TENT2: variants seen among roughly 807,000 people sequenced by gnomAD.
The protein encoded by TENT2 is poly(A) RNA polymerase GLD2.
Under a neutral mutation model 72.2 loss-of-function variants are expected in TENT2, and 44 were observed. The observed-to-expected ratio is 0.61, with a 90% CI of 0.48 to 0.78. The LOEUF (loss-of-function observed/expected upper bound fraction) is 0.78. TENT2 is among the 30% of genes least tolerant of loss of function. The pLI is 0.00. For missense variants in TENT2, 541 were observed against 569.6 expected, an observed-to-expected ratio of 0.95 and a Z score of 0.51; for synonymous variants, 212 against 192.5, an observed-to-expected ratio of 1.10 and a Z score of -0.84.
intron 8 of TENT2, 34 bp downstream of exon 8, chr5:79,645,226 C>T: frequency 2.6e-6 from 4 of 1,522,234 alleles, no homozygotes; most frequent in South Asian, 2.4e-5. Flanking sequence ...TTTTTAGTTC[C>T]TTTAGATCAT....
intron 1 of TENT2, among the ~76,000 whole-genome samples, chr5:79,615,700 T>G (rs1203024377): frequency 7.1e-6 from 1 of 141,388 alleles, no homozygotes; most frequent in Non-Finnish European, 1.5e-5. Context: ...TCCAAGATTT[T>G]TCTTTTTTCT....
intron 12 of TENT2, among the ~76,000 whole-genome samples, chr5:79,674,520 A>G (rs563397096): frequency 7.9e-5 from 12 of 152,346 alleles, no homozygotes; most frequent in Non-Finnish European, 1.6e-4. Flanking sequence ...TATAAAAGGT[A>G]TTTGAGTTAC....
At chr5:79,681,209 G>T (rs1369435870) in intron 13 of TENT2, among the ~76,000 whole-genome samples, 2 of 132,456 alleles carry the variant, frequency 1.5e-5, no homozygotes, top group East Asian at 4.3e-4. Context: ...CGCCAGGCTG[G>T]AGTGCAGTGG....
chr5:79,617,738 A>G (rs1761453499), intron 1 of TENT2: 1 of 152,226 alleles, frequency 6.6e-6, no homozygotes, highest in Admixed American at 6.5e-5. Flanking sequence ...GTATAGAATT[A>G]CAGCCTGAGA....
intron 4 of TENT2, among the ~76,000 whole-genome samples, chr5:79,631,511 C>G (rs1211165012): frequency 6.6e-6 from 1 of 152,174 alleles, no homozygotes; most frequent in African/African-American, 2.4e-5. Context: ...ATTTGGCCAT[C>G]ATCAGCATAC....
chr5:79,655,435 A>G (rs1412035699), intron 10 of TENT2, among the ~76,000 whole-genome samples: 1 of 152,096 alleles, frequency 6.6e-6, no homozygotes, highest in East Asian at 1.9e-4. Context: ...CTAATTCTCT[A>G]TAATCTTCTC....
At chr5:79,636,819 GA>G (rs1780502599) in intron 4 of TENT2, among the ~76,000 whole-genome samples, 1 of 152,038 alleles carries the variant, frequency 6.6e-6, no homozygotes, top group Non-Finnish European at 1.5e-5. Flanking sequence ...TTGGTACATA[GA>G]TTTCTAAATA....
At chr5:79,641,218 C>A in intron 6 of TENT2, 22 bp downstream of exon 6, 1 of 1,507,964 alleles carries the variant, frequency 6.6e-7, no homozygotes, top group Non-Finnish European at 8.8e-7. Context: ...AACATTTATT[C>A]CAAGTGTGTT....
At chr5:79,642,342 A>G (rs1050003405) in intron 6 of TENT2, among the ~76,000 whole-genome samples, 15 of 152,056 alleles carry the variant, frequency 9.9e-5, no homozygotes, top group Admixed American at 5.2e-4. Flanking sequence ...CAAGGGTTGT[A>G]ATTAAAACTT....
intron 4 of TENT2, among the ~76,000 whole-genome samples, chr5:79,635,635 A>G (rs1580325830): frequency 6.6e-6 from 1 of 152,024 alleles, no homozygotes; most frequent in African/African-American, 2.4e-5. Context: ...GCTCATTGCA[A>G]CCTCTGCCTC....
At chr5:79,637,654 T>C (rs912757992) in intron 4 of TENT2, among the ~76,000 whole-genome samples, 1 of 152,154 alleles carries the variant, frequency 6.6e-6, no homozygotes, top group East Asian at 1.9e-4. Flanking sequence ...CTCGGATTCC[T>C]GGGCTTAAGC....
chr5:79,668,605 AGG>A, intron 11 of TENT2: 2 of 253,356 alleles, frequency 7.9e-6, no homozygotes, highest in Non-Finnish European at 1.5e-5. Context: ...TTGTATAGTA[AGG>A]TTTTATTTAT....
rs114998651 is a variant in TENT2 at position 79,621,991 on chromosome 5, C to A, written c.228-1261C>A. On this transcript the variant is annotated intron_variant, in intron 3 of 14. Transcript: ENST00000453514. ...CAAGGAGAGAGAAATTGACATAATC[C>A]CAAAGGAGTGTTAAAAAACCTTCTA... Among the ~76,000 whole-genome samples, 1,417 of 151,740 alleles carry A rather than the reference C, an allele frequency of 9.3e-3. 14 individuals carry two copies. Among genetic ancestry groups the A allele is most frequent in the African/African-American group, 0.032 (1,341 of 41,372 alleles).
At chr5:79,668,779 T>G (rs922227419) in intron 11 of TENT2, 113 bp from the exon 12 acceptor site, 40 of 1,283,866 alleles carry the variant, frequency 3.1e-5, no homozygotes, top group Non-Finnish European at 3.9e-5. Context: ...AATTGCCAAA[T>G]AGAGTAAATT....
At chr5:79,644,173 G>C (rs1238025980) in intron 7 of TENT2, among the ~76,000 whole-genome samples, 2 of 151,864 alleles carry the variant, frequency 1.3e-5, no homozygotes, top group African/African-American at 4.8e-5. Context: ...GTAGAGACAG[G>C]GTTTCGCCAT....
chr5:79,613,533 C>G (rs1756903831), intron 1 of TENT2, among the ~76,000 whole-genome samples: 1 of 152,196 alleles, frequency 6.6e-6, no homozygotes, highest in East Asian at 1.9e-4. Context: ...CACCAGGCTT[C>G]TAACACGTAC....
At chr5:79,681,187 GTC>G (rs1821520743) in intron 13 of TENT2, among the ~76,000 whole-genome samples, 1 of 99,356 alleles carries the variant, frequency 1.0e-5, no homozygotes, top group Non-Finnish European at 1.9e-5. Flanking sequence ...TTGAGATGGA[GTC>G]TCTCTCTTTC....
chr5:79,642,948 C>T (rs781022812), intron 7 of TENT2, 38 bp downstream of exon 7: 8 of 1,593,258 alleles, frequency 5.0e-6, no homozygotes, highest in African/African-American at 1.3e-5. Flanking sequence ...TGTCACCTGA[C>T]GTAACTTTAC....
chr5:79,682,534 G>A lies in TENT2; in HGVS notation c.1380+473G>A, dbSNP rs1047477385. On this transcript the variant is annotated intron_variant, in intron 14 of 14. Transcript: ENST00000453514. ...TCCTGACTTCAGGTGATTCACCCCC[G>A]TCTTCCTCCCAAAGTGCTGGTATTA... Among the ~76,000 whole-genome samples the A allele has an allele frequency of 2.7e-5, 4 of 147,866 alleles. No individual in the cohort carries two copies. In the South Asian group the frequency reaches 8.5e-4, roughly 32 times the overall value.
Sources: allele counts gnomAD v4.1 joint callset (sites outside exome capture counted in the v4.1 genomes callset), GRCh38; gene constraint gnomAD v4.1.1; transcripts MANE v1.5; gene names NCBI Gene and HGNC (gene_info 2026-07-23, HGNC 2026-07-21).